The following SLC23A2 variants were observed in gnomAD, a reference collection of about 807,000 sequenced individuals.
The protein encoded by SLC23A2 is Na(+)/L-ascorbic acid transporter 2.
A neutral mutation model predicts 73.3 loss-of-function variants in SLC23A2; 36 were observed. That is an observed-to-expected ratio of 0.49 (90% CI 0.38 to 0.65). SLC23A2 has a LOEUF of 0.65. Among genes scored for constraint, SLC23A2 ranks in the 30% least tolerant of loss-of-function variants. SLC23A2 has a pLI of 0.00. For synonymous variants in SLC23A2, 343 were observed against 327.3 expected, an observed-to-expected ratio of 1.05 and a Z score of -0.52; for missense variants, 507 against 841.6, an observed-to-expected ratio of 0.60 and a Z score of 4.92.
intron 4 of SLC23A2, among the ~76,000 whole-genome samples, chr20:4,903,775 T>C (rs553403522): frequency 1.3e-5 from 2 of 152,324 alleles, no homozygotes; most frequent in Admixed American, 6.5e-5. Flanking sequence ...CAAATTTACA[T>C]TGTGTTGAAT....
At chr20:5,008,099 G>A (rs1226267209) in intron 1 of SLC23A2, among the ~76,000 whole-genome samples, 2 of 151,988 alleles carry the variant, frequency 1.3e-5, no homozygotes, top group African/African-American at 2.4e-5. Context: ...TAGTAGAGAT[G>A]GGGTTTCACC....
chr20:4,918,964 C>T (rs1213522185), intron 3 of SLC23A2, among the ~76,000 whole-genome samples: 2 of 152,172 alleles, frequency 1.3e-5, no homozygotes, highest in African/African-American at 4.8e-5. Context: ...TCCAAATCTA[C>T]TCCACAATTA....
chr20:4,948,024 C>A (rs1023604307), intron 2 of SLC23A2, among the ~76,000 whole-genome samples: 2 of 152,296 alleles, frequency 1.3e-5, no homozygotes, highest in South Asian at 4.1e-4. Flanking sequence ...GGGATGCCTG[C>A]TCCATCCTCT....
intron 3 of SLC23A2, among the ~76,000 whole-genome samples, chr20:4,923,986 A>C (rs3848825): frequency 0.019 from 2,863 of 152,262 alleles, 81 homozygotes; most frequent in African/African-American, 0.065. Flanking sequence ...AGGGATGGGA[A>C]GGAAACAGAA....
At chr20:4,889,196 G>A (rs1351218950) in intron 6 of SLC23A2, among the ~76,000 whole-genome samples, 2 of 152,170 alleles carry the variant, frequency 1.3e-5, no homozygotes, top group African/African-American at 2.4e-5. Context: ...GCAGTCGCTT[G>A]AGCGAGTCTT....
intron 6 of SLC23A2, 197 bp from the exon 7 acceptor site, chr20:4,886,106 T>G: frequency 1.2e-5 from 6 of 499,194 alleles, no homozygotes; most frequent in Non-Finnish European, 1.4e-5. Flanking sequence ...ATCCTCCCCA[T>G]TGCCACTCTC....
chr20:4,918,302 A>G (rs1334146502), intron 3 of SLC23A2, among the ~76,000 whole-genome samples: 2 of 152,184 alleles, frequency 1.3e-5, no homozygotes, highest in African/African-American at 4.8e-5. Flanking sequence ...CTTCTCCAAA[A>G]CTATCTTAAA....
intron 13 of SLC23A2, among the ~76,000 whole-genome samples, chr20:4,864,036 T>C (rs1930092558): frequency 6.6e-6 from 1 of 152,054 alleles, no homozygotes; most frequent in African/African-American, 2.4e-5. Context: ...GCACCACACG[T>C]GAGAGGTGGT....
intron 6 of SLC23A2, among the ~76,000 whole-genome samples, chr20:4,893,445 G>A (rs560656364): frequency 6.6e-6 from 1 of 152,090 alleles, no homozygotes; most frequent in South Asian, 2.1e-4. Context: ...AGAGAAGTGG[G>A]GTCTCTCCCT....
Position 4,874,001 on chromosome 20 carries a change from T to C in SLC23A2, c.1037A>G (p.Tyr346Cys), listed in dbSNP as rs777833284. Residue 346 changes from tyrosine (Y) to cysteine (C), a missense_variant, in exon 11 of 17, where the codon TAT becomes TGT. Tyr to Cys is a radical substitution (Grantham distance 194). Coordinates refer to ENST00000338244, the MANE Select transcript of SLC23A2 (RefSeq NM_005116.6). ...GCCTTGCCTGGCATCTGTGCGAGCA[T>C]AGAAGCCATACTTTGTGCTGTCGGG... is the stretch of plus-strand genomic sequence containing the variant. ...FPPDSTKYGF[Y>C]ARTDARQGVL... 8.1e-6 allele frequency: 13 copies of C among 1,614,050 alleles called. No individual in the cohort carries two copies. Among genetic ancestry groups the C allele is most frequent in the Non-Finnish European group, 1.1e-5 (13 of 1,179,924 alleles).
rs1452361960 is a variant in SLC23A2, at chr20:4,885,862, C to A, written c.530G>T (p.Arg177Leu). The change falls in exon 7 of 17, where the codon CGA (arginine) becomes CTA (leucine). Residue 177 changes from arginine to leucine, a missense_variant. Arg to Leu is a moderately radical substitution (Grantham distance 102). This residue lies in a region of SLC23A2 where 217 missense variants were observed against 398.0 expected (regional missense o/e 0.55). Transcript: ENST00000338244. ...CCATTTATCTAAAGACAGGATGGCTCGAGCAGGGGCCAAAAATGCAAAAGC... is the reference window on the plus strand; with the variant it reads ...CCATTTATCTAAAGACAGGATGGCTAGAGCAGGGGCCAAAAATGCAAAAGC... ...ASAFAFLAPA[R>L]AILSLDKWKC... is the part of the protein sequence containing the mutation. 1.2e-6 allele frequency: 2 copies of A among 1,613,676 alleles called. No homozygotes were observed. Among genetic ancestry groups the A allele is most frequent in the Non-Finnish European group, 1.7e-6 (2 of 1,179,838 alleles).
rs1600113092 is a variant in SLC23A2, at chr20:4,899,832, G to A, written c.325-120C>T. On this transcript the variant is annotated intron_variant, in intron 5 of 16. Transcript: ENST00000338244. The surrounding 1 kb of genome is among the most constrained non-coding windows in gnomAD (Gnocchi z 4.9). ...AATAGCCCACATAAAGAATCTCCTT[G>A]GTTTTTCGACCAAGCCATACTTTTT... The A allele has an allele frequency of 6.4e-5, 66 of 1,029,940 alleles. 1 individual carries two copies. The South Asian group carries it at 1.0e-3, about 16-fold the overall frequency. 63.8% of individuals were successfully genotyped at this position (1,029,940 alleles called of 1,614,324 possible). A position where few individuals can be genotyped will look rare whatever the true frequency, so the allele number is the denominator to read the frequency against.
chr20:4,975,346 C>T lies in SLC23A2; in HGVS notation c.-281-4427G>A, dbSNP rs1305649180. Among the ~76,000 whole-genome samples the T allele has an allele frequency of 3.3e-5, 5 of 152,026 alleles. No homozygotes were observed. The East Asian group carries it at 5.8e-4, about 18-fold the overall frequency. On this transcript the variant is annotated intron_variant, in intron 1 of 16. Transcript: ENST00000338244. The stretch of plus-strand genomic sequence containing the variant: ...AAAAAAAGAAAAAGAAAGAATATGA[C>T]GTTAACCTCACTTGCCATTCCTAGA...
intron 3 of SLC23A2, among the ~76,000 whole-genome samples, chr20:4,932,153 C>A (rs1042059265): frequency 6.6e-6 from 1 of 152,170 alleles, no homozygotes; most frequent in Non-Finnish European, 1.5e-5. Context: ...TAAGAGTACA[C>A]CTTTTGAAGA....
chr20:4,920,891 T>C (rs1439859621), intron 3 of SLC23A2, among the ~76,000 whole-genome samples: 1 of 152,202 alleles, frequency 6.6e-6, no homozygotes, highest in East Asian at 1.9e-4. Context: ...GGATCTTCTC[T>C]GTAATTGTTC....
Position 4,912,878 on chromosome 20 carries a change from A to T in SLC23A2, c.207+2T>A. 1 of 1,592,286 alleles carries T rather than the reference A, an allele frequency of 6.3e-7. No homozygotes were observed. On this transcript the variant is annotated splice_donor_variant, in intron 4 of 16. Coordinates refer to ENST00000338244, the MANE Select transcript of SLC23A2 (RefSeq NM_005116.6). LOFTEE classifies it high-confidence loss of function. ...GGGGACACGGGGTGACGGAAGGGGT[A>T]CCTTTTCTGCAATGCCGTTTTCCGT...
intron 11 of SLC23A2, among the ~76,000 whole-genome samples, chr20:4,873,284 ACGCCGGGACTAGAGTCTT>A (rs1415981498): frequency 6.6e-6 from 1 of 152,138 alleles, no homozygotes; most frequent in Non-Finnish European, 1.5e-5. Flanking sequence ...AAAAACCCAG[ACGCCGGGACTAGAGTCTT>A]CACAATGGAA....
Position 4,862,047 on chromosome 20 carries a change from T to C in SLC23A2, c.1525A>G (p.Ile509Val). The C allele has an allele frequency of 6.2e-7, 1 of 1,614,148 alleles. No homozygotes were observed. The highest frequency in any genetic ancestry group is 8.5e-7 in the Non-Finnish European group (1 of 1,179,994). ...AGGTTCCGGGAAGAATTTAAATCAA[T>C]GAACTGCAGGTTAGAGAGGCCAACA... ...TAVGLSNLQF[I>V]DLNSSRNLFV... Residue 509 changes from isoleucine to valine, a missense_variant, in exon 15 of 17, where the codon ATT (isoleucine) becomes GTT (valine). Ile to Val is a conservative substitution (Grantham distance 29). Transcript: ENST00000338244. This position sits in a 1 kb window ranked among gnomAD's most constrained non-coding sequence, Gnocchi z 5.1.
At chr20:4,891,981 G>T (rs1028600246) in intron 6 of SLC23A2, among the ~76,000 whole-genome samples, 4 of 151,870 alleles carry the variant, frequency 2.6e-5, no homozygotes, top group Non-Finnish European at 5.9e-5. Flanking sequence ...CTTGAACTTC[G>T]GGGCTCAAGT....
Sources: gnomAD v4.1 joint callset for allele counts (sites outside exome capture counted in the v4.1 genomes callset) on GRCh38, gnomAD v4.1.1 for gene constraint, gnomAD v4.1.1 regional missense constraint, Gnocchi (gnomAD v3.1) non-coding constraint, MANE v1.5 for transcripts, NCBI Gene and HGNC (gene_info 2026-07-23, HGNC 2026-07-21) for gene names.